NTN1: variants seen among roughly 807,000 people sequenced by gnomAD.
The protein encoded by NTN1 is netrin-1.
A neutral mutation model predicts 54.2 loss-of-function variants in NTN1; 11 were observed. That is an observed-to-expected ratio of 0.20 (90% confidence interval 0.13 to 0.34). The LOEUF is 0.34. Among genes scored for constraint, NTN1 ranks in the 10% least tolerant of loss-of-function variants. The pLI is 1.00. For synonymous variants in NTN1, 371 were observed against 382.0 expected (o/e 0.97, Z 0.33); for missense variants, 740 against 893.1 (o/e 0.83, Z 2.18).
intron 3 of NTN1, among the ~76,000 whole-genome samples, chr17:9,168,170 A>G (rs926303785): frequency 2.0e-5 from 3 of 152,212 alleles, no homozygotes; most frequent in African/African-American, 7.2e-5. Context: ...ATTGATCATC[A>G]ATGAATTTAA....
At chr17:9,034,030 C>G (rs1162331320) in intron 2 of NTN1, among the ~76,000 whole-genome samples, 1 of 151,914 alleles carries the variant, frequency 6.6e-6, no homozygotes, top group African/African-American at 2.4e-5. Context: ...TACCAAGATA[C>G]ATGTATTAGG....
chr17:9,083,674 A>G (rs2092080181), intron 2 of NTN1, among the ~76,000 whole-genome samples: 2 of 152,190 alleles, frequency 1.3e-5, no homozygotes, highest in African/African-American at 4.8e-5. Flanking sequence ...CTTTGCTATC[A>G]CAGGGAACAC....
At chr17:9,063,072 A>T (rs982869963) in intron 2 of NTN1, among the ~76,000 whole-genome samples, 1 of 150,138 alleles carries the variant, frequency 6.7e-6, no homozygotes, top group African/African-American at 2.5e-5. Context: ...TATTTATCCT[A>T]TAGTCTTTTA....
intron 2 of NTN1, among the ~76,000 whole-genome samples, chr17:9,114,914 T>C (rs576934250): frequency 2.6e-5 from 4 of 152,340 alleles, no homozygotes; most frequent in African/African-American, 9.6e-5. Context: ...TGTTCATGTC[T>C]GTCTTTGGAT....
chr17:9,143,413 T>C (rs1047532693), intron 2 of NTN1, among the ~76,000 whole-genome samples: 9 of 152,188 alleles, frequency 5.9e-5, no homozygotes, highest in African/African-American at 1.7e-4. Context: ...TTTATTTGCC[T>C]GCAACAGGGG....
chr17:9,161,943 T>C (rs1316468451), intron 2 of NTN1, among the ~76,000 whole-genome samples: 1 of 110,366 alleles, frequency 9.1e-6, no homozygotes, highest in African/African-American at 3.3e-5. Flanking sequence ...GACCTGAAGC[T>C]GGAAATACTG....
chr17:9,183,268 T>G, intron 5 of NTN1: 1 of 614,264 alleles, frequency 1.6e-6, no homozygotes, highest in Non-Finnish European at 3.1e-6. Flanking sequence ...GCCCAACACC[T>G]TCCAGGCTGA....
At chr17:9,096,519 C>T (rs1452954853) in intron 2 of NTN1, among the ~76,000 whole-genome samples, 6 of 151,548 alleles carry the variant, frequency 4.0e-5, no homozygotes, top group Admixed American at 6.6e-5. Flanking sequence ...TACAGGTGCC[C>T]GCCACCACAC....
intron 2 of NTN1, among the ~76,000 whole-genome samples, chr17:9,139,169 G>A (rs1158205569): frequency 1.3e-5 from 2 of 152,124 alleles, no homozygotes; most frequent in Admixed American, 1.3e-4. Context: ...AGGTTGTGGG[G>A]GCCTTGAATG....
At chr17:9,234,964 G>GTTTTTTT (rs10650921) in intron 6 of NTN1, among the ~76,000 whole-genome samples, 2 of 130,070 alleles carry the variant, frequency 1.5e-5, no homozygotes, top group Non-Finnish European at 1.6e-5. Flanking sequence ...TTGTTTTTTG[G>GTTTTTTT]TTTTTTTTTT....
intron 5 of NTN1, among the ~76,000 whole-genome samples, chr17:9,206,840 G>A (rs1194016071): frequency 6.6e-6 from 1 of 152,160 alleles, no homozygotes; most frequent in Admixed American, 6.5e-5. Context: ...AAGATTTATC[G>A]GCTCCTGCTC....
chr17:9,176,820 G>T (rs548150673), intron 3 of NTN1: 1 of 152,154 alleles, frequency 6.6e-6, no homozygotes, highest in Non-Finnish European at 1.5e-5. Context: ...AGAGATCCAG[G>T]CTCTTTCCAC....
intron 2 of NTN1, among the ~76,000 whole-genome samples, chr17:9,032,530 G>A (rs11869748): frequency 0.17 from 26,013 of 152,162 alleles, 2,439 homozygotes; most frequent in African/African-American, 0.22. Context: ...ATTGAGGGAC[G>A]AGGACTCATC....
At chr17:9,111,974 A>G (rs34694870) in intron 2 of NTN1, among the ~76,000 whole-genome samples, 9,583 of 152,306 alleles carry the variant, frequency 0.063, 423 homozygotes, top group Non-Finnish European at 0.096. Flanking sequence ...TTAGTTGTCT[A>G]TTGAACTAAA....
chr17:9,050,727 C>T (rs1399335001), intron 2 of NTN1, among the ~76,000 whole-genome samples: 2 of 150,448 alleles, frequency 1.3e-5, no homozygotes, highest in Admixed American at 6.6e-5. Flanking sequence ...CATGTACCAG[C>T]TAAATCCAGA....
intron 2 of NTN1, among the ~76,000 whole-genome samples, chr17:9,070,350 G>T (rs1171698039): frequency 1.3e-5 from 2 of 152,176 alleles, no homozygotes; most frequent in South Asian, 2.1e-4. Flanking sequence ...CTCAGAAAAT[G>T]TCATGCGTGC....
chr17:9,099,538 C>T (rs1030303678), intron 2 of NTN1, among the ~76,000 whole-genome samples: 2 of 152,008 alleles, frequency 1.3e-5, no homozygotes, highest in Non-Finnish European at 2.9e-5. Flanking sequence ...TCCTACCTAC[C>T]TATATACCTA....
chr17:9,110,658 G>A (rs1476928462), intron 2 of NTN1, among the ~76,000 whole-genome samples: 2 of 152,174 alleles, frequency 1.3e-5, no homozygotes, highest in Non-Finnish European at 2.9e-5. Flanking sequence ...TAATAATGCA[G>A]AAAGGTGTTT....
At chr17:9,094,503 A>G (rs994420792) in intron 2 of NTN1, among the ~76,000 whole-genome samples, 3 of 152,166 alleles carry the variant, frequency 2.0e-5, no homozygotes, top group African/African-American at 7.2e-5. Flanking sequence ...AAATGTAGCT[A>G]TATTAAAATG....
Sources: allele counts gnomAD v4.1 joint callset (sites outside exome capture counted in the v4.1 genomes callset), GRCh38; gene constraint gnomAD v4.1.1; transcripts MANE v1.5; gene names NCBI Gene and HGNC (gene_info 2026-07-23, HGNC 2026-07-21).